The following CCPG1 variants were observed in gnomAD, a reference collection of about 807,000 sequenced individuals.
CCPG1 encodes cell cycle progression protein 1.
A neutral mutation model predicts 81.3 loss-of-function variants in CCPG1; 46 were observed. The ratio of observed to expected loss-of-function variants is 0.57; its 90% CI spans 0.45 to 0.72. CCPG1 has a LOEUF of 0.72. Ranked by LOEUF, CCPG1 falls within the 30% of genes least tolerant of loss-of-function variation. The probability of loss-of-function intolerance (pLI) is 0.00; values close to 1 mark genes in which losing one functional copy is unlikely to be tolerated. For synonymous variants in CCPG1, 330 were observed against 305.2 expected, an observed-to-expected ratio of 1.08 and a Z score of -0.85; for missense variants, 902 against 937.6, an observed-to-expected ratio of 0.96 and a Z score of 0.50.
chr15:55,374,322 A>G (rs974986381), intron 5 of CCPG1: 1 of 740,780 alleles, frequency 1.3e-6, no homozygotes, highest in Admixed American at 3.0e-5. Flanking sequence ...AAAAAGAATT[A>G]AAAATACTTA....
At chr15:55,372,266 A>G in intron 5 of CCPG1, 1 of 575,562 alleles carries the variant, frequency 1.7e-6, no homozygotes, top group African/African-American at 1.9e-5. Context: ...TCTGTTAATC[A>G]TACTATTTGG....
chr15:55,388,942 C>A (rs924237558), intron 2 of CCPG1, among the ~76,000 whole-genome samples: 1 of 151,078 alleles, frequency 6.6e-6, no homozygotes, highest in African/African-American at 2.4e-5. Context: ...GTAGCAGGCA[C>A]CTGTAATTCC....
chr15:55,399,417 C>CAAAAA lies in CCPG1; in HGVS notation c.-10+8799_-10+8803dup, dbSNP rs56191750. ...GCAAACCTCATCTCCACTAAAAATA[C>CAAAAA]AAAAAAAAAAAAAAAAAAAAAACTA... On this transcript the variant is annotated intron_variant, in intron 1 of 8. Transcript: ENST00000442196. Among the ~76,000 whole-genome samples the CAAAAA allele has an allele frequency of 1.2e-3, 75 of 63,112 alleles. 2 individuals carry two copies. Among genetic ancestry groups the CAAAAA allele is most frequent in the African/African-American group, 1.6e-3 (34 of 21,270 alleles). 41.4% of individuals were successfully genotyped at this position (63,112 alleles called of 152,430 possible). A position where few individuals can be genotyped will look rare whatever the true frequency, so the allele number is the denominator to read the frequency against.
chr15:55,359,983 G>A lies in CCPG1; in HGVS notation c.1790C>T (p.Pro597Leu). The A allele has an allele frequency of 3.1e-6, 5 of 1,612,920 alleles. No homozygotes were observed. The highest frequency in any genetic ancestry group is 3.3e-4 in the Middle Eastern group (2 of 6,058). The part of the protein sequence containing the change: ...TMQNDGRKEK[P>L]VHFKEFRKNT... Reference sequence around the variant, plus strand: ...TTTTCTGAATTCTTTAAAGTGAACTGGCTTTTCTTTCCTTCCATCATTTTG... The same window carrying A: ...TTTTCTGAATTCTTTAAAGTGAACTAGCTTTTCTTTCCTTCCATCATTTTG... Residue 597 changes from proline to leucine, a missense_variant, in exon 8 of 9, where the codon CCA (proline) becomes CTA (leucine). Physicochemically the swap from Pro to Leu is moderately conservative, Grantham distance 98. This residue lies in a region of CCPG1 where 746 missense variants were observed against 728.6 expected (regional missense o/e 1.02). Transcript: ENST00000442196.
rs377384107 is a variant in CCPG1 at position 55,386,497 on chromosome 15, C to T, written c.61-783G>A. Among the ~76,000 whole-genome samples, 40 of 152,250 alleles carry T rather than the reference C, an allele frequency of 2.6e-4. 1 individual carries two copies. Among genetic ancestry groups the T allele is most frequent in the Admixed American group, 7.2e-4 (11 of 15,284 alleles). ...ACAAAGTTAACCACTAAGGTGATTC[C>T]GTCTTTCCCTATGTCCCCACTATAG... On this transcript the variant is annotated intron_variant, in intron 2 of 8. Coordinates refer to ENST00000442196, the MANE Select transcript of CCPG1 (RefSeq NM_001204450.2).
In CCPG1 at chr15:55,383,948, C is replaced by T. The variant is rs2056751599; in HGVS notation, c.175+1652G>A. On this transcript the variant is annotated intron_variant, in intron 3 of 8. Transcript: ENST00000442196. ...TCATTCATGTGTTCACTAAGAAGGACTTTTAATTTCCTTCAAGAACTTTTC... is the reference window on the plus strand; with the variant it reads ...TCATTCATGTGTTCACTAAGAAGGATTTTTAATTTCCTTCAAGAACTTTTC... Among the ~76,000 whole-genome samples, 7 of 152,322 alleles carry T rather than the reference C, an allele frequency of 4.6e-5. No homozygotes were observed. In the South Asian group the frequency reaches 1.4e-3, roughly 32 times the overall value.
At chr15:55,372,754 A>G (rs887135409) in intron 5 of CCPG1, 10 of 291,996 alleles carry the variant, frequency 3.4e-5, no homozygotes, top group African/African-American at 2.0e-4. Context: ...AGTTTCAAAG[A>G]GGTAATTTAA....
chr15:55,369,129 T>TA (rs2056394496), intron 6 of CCPG1, among the ~76,000 whole-genome samples: 1 of 151,326 alleles, frequency 6.6e-6, no homozygotes, highest in Admixed American at 6.6e-5. Context: ...AATAAAATTA[T>TA]AAAGTGAATG....
intron 8 of CCPG1, chr15:55,356,735 C>T (rs908392270): frequency 7.7e-6 from 8 of 1,040,166 alleles, no homozygotes; most frequent in Non-Finnish European, 9.2e-6. Flanking sequence ...AGTCCCTCCC[C>T]GCTGGCTTTA....
At chr15:55,365,151 A>T (rs2056296050) in intron 7 of CCPG1, 37 bp downstream of exon 7, 1 of 1,216,554 alleles carries the variant, frequency 8.2e-7, no homozygotes, top group Non-Finnish European at 1.2e-6. Context: ...CAAAATAATT[A>T]CTAACAATTA....
At chr15:55,384,675 A>G (rs1426051359) in intron 3 of CCPG1, among the ~76,000 whole-genome samples, 2 of 152,202 alleles carry the variant, frequency 1.3e-5, no homozygotes, top group Non-Finnish European at 2.9e-5. Flanking sequence ...ATAAAATAAA[A>G]TAAAAATAAA....
intron 1 of CCPG1, among the ~76,000 whole-genome samples, chr15:55,390,378 T>A (rs978868836): frequency 6.6e-6 from 1 of 152,216 alleles, no homozygotes; most frequent in Admixed American, 6.5e-5. Flanking sequence ...TCACTCCACC[T>A]GGTTTTTTCT....
rs113649923 is a variant in CCPG1, at chr15:55,388,825, T to C, written c.60+540A>G. Among the ~76,000 whole-genome samples, 493 of 148,626 alleles carry C rather than the reference T, an allele frequency of 3.3e-3. 1 individual carries two copies. Among genetic ancestry groups the C allele is most frequent in the African/African-American group, 0.012 (465 of 40,372 alleles). ...GTGGCTCACATCTGTAAGCCCAGCA[T>C]GTTGGGAAGCCGAGGCAGATGGATC... On this transcript the variant is annotated intron_variant, in intron 2 of 8. Transcript: ENST00000442196.
chr15:55,364,903 T>G (rs2056290617), intron 7 of CCPG1, among the ~76,000 whole-genome samples: 1 of 152,108 alleles, frequency 6.6e-6, no homozygotes, highest in South Asian at 2.1e-4. Context: ...AAAAACAAAC[T>G]AGCTCTGCCA....
At chr15:55,394,125 G>C (rs2056974009) in intron 1 of CCPG1, among the ~76,000 whole-genome samples, 1 of 152,048 alleles carries the variant, frequency 6.6e-6, no homozygotes, top group African/African-American at 2.4e-5. Flanking sequence ...CAAGTAGCTA[G>C]GACTATACAG....
intron 3 of CCPG1, among the ~76,000 whole-genome samples, chr15:55,380,047 C>A (rs570482096): frequency 6.7e-6 from 1 of 150,068 alleles, no homozygotes; most frequent in Non-Finnish European, 1.5e-5. Flanking sequence ...TTGCAGTGAG[C>A]CGAGATCATG....
chr15:55,390,304 T>C (rs887388809), intron 1 of CCPG1, among the ~76,000 whole-genome samples: 1 of 152,098 alleles, frequency 6.6e-6, no homozygotes, highest in Non-Finnish European at 1.5e-5. Context: ...ACACCAGAGG[T>C]TGGTTACAAA....
rs1324342663 is a variant in CCPG1, at chr15:55,356,921, A to T, written c.2235-512T>A. The T allele has an allele frequency of 5.1e-6, 5 of 985,506 alleles. No homozygotes were observed. In the African/African-American group the frequency reaches 7.0e-5, roughly 14 times the overall value. 61.0% of individuals were successfully genotyped at this position (985,506 alleles called of 1,614,324 possible). On this transcript the variant is annotated intron_variant, in intron 8 of 8. Transcript: ENST00000442196. ...GTCATCCCCTGGCCGCCCAGTTTCC[A>T]AGCCAAGAAAACATTTTCCGCACAT...
Position 55,385,679 on chromosome 15 carries a change from G to T in CCPG1, c.96C>A (p.Pro32=). 3 of 1,610,626 alleles carry T rather than the reference G, an allele frequency of 1.9e-6. No homozygotes were observed. The highest frequency in any genetic ancestry group is 2.5e-6 in the Non-Finnish European group (3 of 1,177,044). Reference sequence around the variant, plus strand: ...CTGGGGCGGGCTCACAGCTGTCAGTGGGGGTCACAGAATTCAACATTTCTA... The same window carrying T: ...CTGGGGCGGGCTCACAGCTGTCAGTTGGGGTCACAGAATTCAACATTTCTA... ...SDIEMLNSVT[P]TDSCEPAPEC... is the part of the protein sequence containing the mutation. The change falls in exon 3 of 9, where the codon CCC becomes CCA. Residue 32 remains proline (P), a synonymous_variant. Transcript: ENST00000442196.
Sources: allele counts gnomAD v4.1 joint callset (sites outside exome capture counted in the v4.1 genomes callset), GRCh38; gene constraint gnomAD v4.1.1; regional missense constraint gnomAD v4.1.1; transcripts MANE v1.5; gene names NCBI Gene and HGNC (gene_info 2026-07-23, HGNC 2026-07-21).